The following SIGLEC7 variants were observed in gnomAD, a reference collection of about 807,000 sequenced individuals.
SIGLEC7 encodes the protein sialic acid binding Ig like lectin 7.
A neutral mutation model predicts 40.8 loss-of-function variants in SIGLEC7; 33 were observed. That is an observed-to-expected ratio of 0.81 (90% CI 0.61 to 1.08). The LOEUF is 1.08. SIGLEC7 is among the 50% of genes least tolerant of loss of function. The probability of loss-of-function intolerance (pLI) is 0.00; values close to 1 mark genes in which losing one functional copy is unlikely to be tolerated. For missense variants in SIGLEC7, 513 were observed against 576.1 expected (o/e 0.89, Z 1.12); for synonymous variants, 242 against 237.6 (o/e 1.02, Z -0.17).
rs2092152655 is a variant in SIGLEC7 at position 51,152,842 on chromosome 19, A to G, written c.1222-221A>G. Reference sequence around the variant, plus strand: ...TGCGGGAAGTTAATAAGATTAATAAACACCAAACAAGTTGCTCAATAAGTG... The same window carrying G: ...TGCGGGAAGTTAATAAGATTAATAAGCACCAAACAAGTTGCTCAATAAGTG... On this transcript the variant is annotated intron_variant, in intron 6 of 6. Coordinates refer to ENST00000317643, the MANE Select transcript of SIGLEC7 (RefSeq NM_014385.4). 10 of 349,924 alleles carry G rather than the reference A, an allele frequency of 2.9e-5. No individual in the cohort carries two copies. In the South Asian group the frequency reaches 1.0e-3, roughly 37 times the overall value. 21.7% of individuals were successfully genotyped at this position (349,924 alleles called of 1,614,324 possible). A position where few individuals can be genotyped will look rare whatever the true frequency, so the allele number is the denominator to read the frequency against.
In SIGLEC7 at chr19:51,142,913, G is replaced by A; in HGVS notation, c.433+111G>A. 8.4e-7 allele frequency: 1 copy of A among 1,197,298 alleles called. No homozygotes were observed. Among genetic ancestry groups the A allele is most frequent in the Non-Finnish European group, 1.2e-6 (1 of 847,394 alleles). The allele number at this position is 1,197,298 out of a possible 1,614,324, so 74.2% of individuals were successfully genotyped here. Reference sequence around the variant, plus strand: ...GGGGCCGGGGGTGATGGACTCAGGAGAGGAGCTGGACCAGAGCCTGAGCTT... The same window carrying A: ...GGGGCCGGGGGTGATGGACTCAGGAAAGGAGCTGGACCAGAGCCTGAGCTT... On this transcript the variant is annotated intron_variant, in intron 1 of 6. Transcript: ENST00000317643. This position sits in a 1 kb window ranked among gnomAD's most constrained non-coding sequence, Gnocchi z 5.0.
chr19:51,151,607 A>G (rs542754461), intron 6 of SIGLEC7, among the ~76,000 whole-genome samples: 1 of 152,318 alleles, frequency 6.6e-6, no homozygotes, highest in Non-Finnish European at 1.5e-5. Flanking sequence ...ATTGGCAAAG[A>G]GGTTGCCAAG....
intron 6 of SIGLEC7, among the ~76,000 whole-genome samples, chr19:51,151,599 T>A (rs1448644999): frequency 6.6e-6 from 1 of 152,158 alleles, no homozygotes; most frequent in African/African-American, 2.4e-5. Flanking sequence ...CTGAAGCAAT[T>A]GGCAAAGAGG....
chr19:51,152,877 G>T, intron 6 of SIGLEC7, 186 bp from the exon 7 acceptor site: 1 of 449,628 alleles, frequency 2.2e-6, no homozygotes, highest in Non-Finnish European at 3.9e-6. Flanking sequence ...GTTAAATATT[G>T]CAGGAAAGTA....
chr19:51,147,920 T>C (rs1329778962), intron 6 of SIGLEC7, among the ~76,000 whole-genome samples: 4 of 152,222 alleles, frequency 2.6e-5, no homozygotes, highest in African/African-American at 9.6e-5. Flanking sequence ...CCGTAGACCA[T>C]GTGTAAATGA....
chr19:51,149,042 T>A (rs1349178139), intron 6 of SIGLEC7, among the ~76,000 whole-genome samples: 1 of 152,244 alleles, frequency 6.6e-6, no homozygotes, highest in African/African-American at 2.4e-5. Context: ...TTTGTTTAAG[T>A]TCCTTATAGA....
chr19:51,144,416 C>G lies in SIGLEC7; in HGVS notation c.444C>G (p.His148Gln). ...QLSVNVTALT[H>Q]RPNILIPGTL... Reference sequence around the variant, plus strand: ...CCCTCTCTTCACCAGCCTTGACCCACAGGCCCAACATCCTTATCCCCGGTA... The same window carrying G: ...CCCTCTCTTCACCAGCCTTGACCCAGAGGCCCAACATCCTTATCCCCGGTA... The change falls in exon 2 of 7, where the codon CAC becomes CAG. Residue 148 changes from histidine to glutamine, a missense_variant. Coordinates refer to ENST00000317643, the MANE Select transcript of SIGLEC7 (RefSeq NM_014385.4). The G allele has an allele frequency of 6.2e-7, 1 of 1,609,280 alleles. No homozygotes were observed. Among genetic ancestry groups the G allele is most frequent in the Non-Finnish European group, 8.5e-7 (1 of 1,178,816 alleles).
Position 51,144,443 on chromosome 19 carries a change from C to T in SIGLEC7, c.471C>T (p.Thr157=). The change falls in exon 2 of 7, where the codon ACC becomes ACT. Residue 157 remains threonine (T), a synonymous_variant. Coordinates refer to ENST00000317643, the MANE Select transcript of SIGLEC7 (RefSeq NM_014385.4). ...THRPNILIPG[T]LESGCFQNLT... Reference sequence around the variant, plus strand: ...GGCCCAACATCCTTATCCCCGGTACCCTGGAGTCTGGCTGCTTCCAGAATC... The same window carrying T: ...GGCCCAACATCCTTATCCCCGGTACTCTGGAGTCTGGCTGCTTCCAGAATC... 1.2e-6 allele frequency: 2 copies of T among 1,612,980 alleles called. No homozygotes were observed. The highest frequency in any genetic ancestry group is 1.7e-6 in the Non-Finnish European group (2 of 1,179,894).
At chr19:51,147,471 G>A (rs1430055564) in intron 6 of SIGLEC7, among the ~76,000 whole-genome samples, 154 bp downstream of exon 6, 2 of 151,918 alleles carry the variant, frequency 1.3e-5, no homozygotes, top group Admixed American at 1.3e-4. Flanking sequence ...TCCCCATCTT[G>A]CTGACTGCAT....
intron 6 of SIGLEC7, among the ~76,000 whole-genome samples, chr19:51,151,393 T>C (rs1222720645): frequency 1.3e-5 from 2 of 152,224 alleles, no homozygotes; most frequent in Non-Finnish European, 1.5e-5. Context: ...TGTGTGTCTT[T>C]GGACAAGAAC....
At chr19:51,147,172 T>G (rs1471089518) in intron 5 of SIGLEC7, 49 bp from the exon 6 acceptor site, 2 of 1,608,690 alleles carry the variant, frequency 1.2e-6, no homozygotes, top group Non-Finnish European at 1.7e-6. Flanking sequence ...GTCTGCCCAC[T>G]GCACCCCGAT....
intron 5 of SIGLEC7, 142 bp from the exon 6 acceptor site, chr19:51,147,079 C>T (rs1395733837): frequency 7.7e-7 from 1 of 1,303,292 alleles, no homozygotes; most frequent in African/African-American, 1.5e-5. Flanking sequence ...GTTTTCAACA[C>T]TGGGGTCTCT....
chr19:51,146,080 A>T lies in SIGLEC7; in HGVS notation c.986A>T (p.Gln329Leu), dbSNP rs778356557. Reference protein sequence around the residue: ...TCRAQNSLGSQHVSLNLSLQQ... With the variant: ...TCRAQNSLGSLHVSLNLSLQQ... ...CGAGCTCAGAACTCTCTGGGTTCCC[A>T]GCACGTTTCCCTGAACCTCTCCCTG... The change falls in exon 4 of 7, where the codon CAG (glutamine) becomes CTG (leucine). Residue 329 changes from glutamine to leucine, a missense_variant. By Grantham distance (113) the Gln-to-Leu change is moderately radical. Coordinates refer to ENST00000317643, the MANE Select transcript of SIGLEC7 (RefSeq NM_014385.4). 1 of 1,614,228 alleles carries T rather than the reference A, an allele frequency of 6.2e-7. No homozygotes were observed. The highest frequency in any genetic ancestry group is 8.5e-7 in the Non-Finnish European group (1 of 1,180,038).
Position 51,153,275 on chromosome 19 carries a change from G to C in SIGLEC7, c.*30G>C. 2 of 1,492,218 alleles carry C rather than the reference G, an allele frequency of 1.3e-6. No homozygotes were observed. The highest frequency in any genetic ancestry group is 1.8e-6 in the Non-Finnish European group (2 of 1,113,452). The allele number at this position is 1,492,218 out of a possible 1,614,324, so 92.4% of individuals were successfully genotyped here. ...ATGCAGAGGCTCGGGCTTGTTTGAG[G>C]GTTCACGACCCCTCCAGCAAAGGAG... On this transcript the variant is annotated 3_prime_UTR_variant, in exon 7 of 7. Transcript: ENST00000317643.
rs540954387 is a variant in SIGLEC7 at position 51,149,936 on chromosome 19, T to C, written c.1221+2619T>C. On this transcript the variant is annotated intron_variant, in intron 6 of 6. Coordinates refer to ENST00000317643, the MANE Select transcript of SIGLEC7 (RefSeq NM_014385.4). The stretch of plus-strand genomic sequence containing the variant: ...TGTGAATGGGATTGTGTTCCTAATG[T>C]GACTCTTGGCTTGGTAGTTCCTGAT... 1.2e-4 allele frequency among the ~76,000 whole-genome samples: 19 copies of C among 152,376 alleles called. No individual in the cohort carries two copies. The South Asian group carries it at 3.9e-3, about 32-fold the overall frequency.
At chr19:51,144,086 T>G in intron 1 of SIGLEC7, 1 of 644,758 alleles carries the variant, frequency 1.6e-6, no homozygotes, top group Admixed American at 1.8e-5. Flanking sequence ...GACCAACAAC[T>G]GCTCCCTGAG....
rs943456760 is a variant in SIGLEC7 at position 51,145,701 on chromosome 19, G to A, written c.761-154G>A. On this transcript the variant is annotated intron_variant, in intron 3 of 6. Transcript: ENST00000317643. The surrounding 1 kb of genome is among the most constrained non-coding windows in gnomAD (Gnocchi z 4.3). ...GTGAAGTTGTCCTCAAATAAAGGTG[G>A]GCAAGTTTACATTCCCAACAGTGAG... 6.6e-6 allele frequency among the ~76,000 whole-genome samples: 1 copy of A among 152,124 alleles called. No homozygotes were observed. Among genetic ancestry groups the A allele is most frequent in the African/African-American group, 2.4e-5 (1 of 41,410 alleles).
chr19:51,144,996 G>A (rs764444351), intron 3 of SIGLEC7, 37 bp downstream of exon 3: 2 of 1,603,084 alleles, frequency 1.2e-6, no homozygotes, highest in Admixed American at 3.3e-5. Flanking sequence ...TGGGGGAGCA[G>A]GGCCTTCAGC....
chr19:51,143,325 C>T (rs997846326), intron 1 of SIGLEC7, among the ~76,000 whole-genome samples: 3 of 152,138 alleles, frequency 2.0e-5, no homozygotes, highest in African/African-American at 7.2e-5. Context: ...GCACCTGAGC[C>T]TGGACAGGGA....
Sources: allele counts gnomAD v4.1 joint callset (sites outside exome capture counted in the v4.1 genomes callset), GRCh38; gene constraint gnomAD v4.1.1; non-coding constraint Gnocchi (gnomAD v3.1); transcripts MANE v1.5; gene names NCBI Gene and HGNC (gene_info 2026-07-23, HGNC 2026-07-21).